Variants in HS6ST3 observed in about 807,000 individuals in gnomAD.
HS6ST3 encodes the protein heparan-sulfate 6-O-sulfotransferase 3.
HS6ST3 carries 12 observed loss-of-function variants against 36.7 expected under a neutral mutation model. The observed-to-expected ratio is 0.33, with a 90% CI of 0.21 to 0.53. The LOEUF is 0.53. Among genes scored for constraint, HS6ST3 ranks in the 20% least tolerant of loss-of-function variants. The probability of loss-of-function intolerance (pLI) is 0.95; values close to 1 mark genes in which losing one functional copy is unlikely to be tolerated. For missense variants in HS6ST3, 584 were observed against 640.9 expected (o/e 0.91, Z 0.96); for synonymous variants, 240 against 257.5 (o/e 0.93, Z 0.65).
intron 1 of HS6ST3, among the ~76,000 whole-genome samples, chr13:96,698,703 T>A (rs550857045): frequency 2.6e-5 from 4 of 152,192 alleles, no homozygotes; most frequent in Admixed American, 6.5e-5. Context: ...ATAGATTTGA[T>A]GCCATCCCCA....
At chr13:96,293,714 A>G (rs1185120467) in intron 1 of HS6ST3, among the ~76,000 whole-genome samples, 8 of 152,126 alleles carry the variant, frequency 5.3e-5, no homozygotes, top group Non-Finnish European at 1.0e-4. Context: ...TAAGCAGTTT[A>G]TGATTGAATT....
chr13:96,185,163 A>G (rs1566902292), intron 1 of HS6ST3, among the ~76,000 whole-genome samples: 1 of 152,220 alleles, frequency 6.6e-6, no homozygotes, highest in African/African-American at 2.4e-5. Context: ...AAAAGAAGCA[A>G]TCTAGAGTCA....
chr13:96,106,257 A>G (rs1455838553), intron 1 of HS6ST3, among the ~76,000 whole-genome samples: 1 of 152,208 alleles, frequency 6.6e-6, no homozygotes, highest in African/African-American at 2.4e-5. Context: ...ATTCTAATTA[A>G]TAGAGTACAA....
chr13:96,401,196 T>C (rs907468542), intron 1 of HS6ST3, among the ~76,000 whole-genome samples: 3 of 152,128 alleles, frequency 2.0e-5, no homozygotes, highest in Non-Finnish European at 4.4e-5. Flanking sequence ...TTACTGCTTT[T>C]CCCCCCTAAT....
intron 1 of HS6ST3, among the ~76,000 whole-genome samples, chr13:96,165,004 G>T (rs2054153977): frequency 6.6e-6 from 1 of 152,124 alleles, no homozygotes; most frequent in South Asian, 2.1e-4. Flanking sequence ...AGCATGTCAT[G>T]AAATATTGAT....
intron 1 of HS6ST3, among the ~76,000 whole-genome samples, chr13:96,324,690 A>T (rs2055021667): frequency 6.6e-6 from 1 of 152,176 alleles, no homozygotes; most frequent in South Asian, 2.1e-4. Context: ...TGAAAATGGA[A>T]CATTTGAACA....
At chr13:96,605,219 AG>A (rs1439438534) in intron 1 of HS6ST3, among the ~76,000 whole-genome samples, 1 of 152,122 alleles carries the variant, frequency 6.6e-6, no homozygotes, top group Non-Finnish European at 1.5e-5. Flanking sequence ...TTTAAAGATA[AG>A]GGATATGTTG....
intron 1 of HS6ST3, among the ~76,000 whole-genome samples, chr13:96,371,031 G>A (rs1255800097): frequency 6.6e-6 from 1 of 152,090 alleles, no homozygotes; most frequent in Non-Finnish European, 1.5e-5. Flanking sequence ...TACACAATTA[G>A]CTGTTTTTCA....
chr13:96,706,570 C>T (rs970515518), intron 1 of HS6ST3, among the ~76,000 whole-genome samples: 1 of 151,414 alleles, frequency 6.6e-6, no homozygotes, highest in Non-Finnish European at 1.5e-5. Context: ...GACCGTGGGT[C>T]GTTTTAATTG....
intron 1 of HS6ST3, among the ~76,000 whole-genome samples, chr13:96,263,374 T>A (rs1163220106): frequency 1.3e-5 from 2 of 152,154 alleles, no homozygotes; most frequent in Non-Finnish European, 2.9e-5. Context: ...ACTTAGAAAG[T>A]TTTTCCAGTC....
intron 1 of HS6ST3, among the ~76,000 whole-genome samples, chr13:96,683,457 A>G (rs747905290): frequency 1.2e-4 from 18 of 152,132 alleles, no homozygotes; most frequent in Non-Finnish European, 1.3e-4. Flanking sequence ...AAGACATTGT[A>G]AGAGCATGCA....
intron 1 of HS6ST3, among the ~76,000 whole-genome samples, chr13:96,294,502 C>T (rs1292901276): frequency 1.3e-5 from 2 of 152,098 alleles, no homozygotes; most frequent in East Asian, 3.9e-4. Flanking sequence ...CACATGTGGC[C>T]AGTGGCTCCT....
At chr13:96,595,075 T>C (rs553986763) in intron 1 of HS6ST3, among the ~76,000 whole-genome samples, 1 of 152,282 alleles carries the variant, frequency 6.6e-6, no homozygotes, top group South Asian at 2.1e-4. Flanking sequence ...AGACAAGGCC[T>C]CACTCTGTCA....
At chr13:96,566,233 G>A (rs992658076) in intron 1 of HS6ST3, among the ~76,000 whole-genome samples, 4 of 151,902 alleles carry the variant, frequency 2.6e-5, no homozygotes, top group African/African-American at 7.3e-5. Flanking sequence ...GCTAACATTC[G>A]GTTGATAGAA....
chr13:96,354,848 G>A (rs2055201817), intron 1 of HS6ST3, among the ~76,000 whole-genome samples: 1 of 152,150 alleles, frequency 6.6e-6, no homozygotes, highest in Admixed American at 6.5e-5. Flanking sequence ...ACCATACTGT[G>A]TGTCAGTATT....
intron 1 of HS6ST3, among the ~76,000 whole-genome samples, chr13:96,145,568 A>G (rs993157524): frequency 2.4e-4 from 37 of 152,044 alleles, no homozygotes; most frequent in African/African-American, 7.7e-4. Context: ...TTGTCAGATG[A>G]GTAGGTTGCA....
chr13:96,145,578 A>G (rs1273301341), intron 1 of HS6ST3, among the ~76,000 whole-genome samples: 1 of 152,160 alleles, frequency 6.6e-6, no homozygotes, highest in Non-Finnish European at 1.5e-5. Flanking sequence ...AGTAGGTTGC[A>G]AAAATTTTCT....
chr13:96,338,032 T>G (rs1354029074), intron 1 of HS6ST3, among the ~76,000 whole-genome samples: 1 of 152,134 alleles, frequency 6.6e-6, no homozygotes, highest in African/African-American at 2.4e-5. Context: ...TTTTTAGATG[T>G]GATACTTTCT....
chr13:96,093,724 A>G (rs1302165117), intron 1 of HS6ST3, among the ~76,000 whole-genome samples: 1 of 152,132 alleles, frequency 6.6e-6, no homozygotes, highest in Non-Finnish European at 1.5e-5. Flanking sequence ...GCATATGTGA[A>G]GTGCCCTGCA....
Sources: gnomAD v4.1 joint callset for allele counts (sites outside exome capture counted in the v4.1 genomes callset) on GRCh38, gnomAD v4.1.1 for gene constraint, MANE v1.5 for transcripts, NCBI Gene and HGNC (gene_info 2026-07-23, HGNC 2026-07-21) for gene names.